GRID2: variants seen among roughly 807,000 people sequenced by gnomAD.
GRID2 encodes glutamate ionotropic receptor delta type subunit 2.
GRID2 carries 33 observed loss-of-function variants against 114.8 expected under a neutral mutation model. The ratio of observed to expected loss-of-function variants is 0.29; its 90% CI spans 0.22 to 0.38. The LOEUF (loss-of-function observed/expected upper bound fraction) is 0.38. Ranked by LOEUF, GRID2 falls within the 10% of genes least tolerant of loss-of-function variation. GRID2 has a pLI of 1.00. For missense variants in GRID2, 1,184 were observed against 1,257.7 expected (o/e 0.94, Z 0.89); for synonymous variants, 505 against 449.9 (o/e 1.12, Z -1.55).
chr4:93,146,902 G>A (rs1736318414), intron 4 of GRID2, among the ~76,000 whole-genome samples: 2 of 151,950 alleles, frequency 1.3e-5, no homozygotes, highest in South Asian at 4.1e-4. Context: ...TTCTAATCTG[G>A]GTATTGGGAA....
At chr4:92,703,645 A>ATATATATATAT (rs1734794212) in intron 2 of GRID2, among the ~76,000 whole-genome samples, 1 of 146,388 alleles carries the variant, frequency 6.8e-6, no homozygotes, top group African/African-American at 2.5e-5. Context: ...ATATATATAT[A>ATATATATATAT]AAATCATGAG....
At chr4:93,800,601 T>A (rs189319863) in intron 1 of GRID2, among the ~76,000 whole-genome samples, 1 of 152,336 alleles carries the variant, frequency 6.6e-6, no homozygotes, top group Non-Finnish European at 1.5e-5. Flanking sequence ...GTATCATGAA[T>A]CCTTAACTTT....
chr4:93,636,922 G>C (rs1462469696), intron 14 of GRID2, among the ~76,000 whole-genome samples: 1 of 152,052 alleles, frequency 6.6e-6, no homozygotes, highest in African/African-American at 2.4e-5. Context: ...CCCATCCCCT[G>C]CCCTGTTCTG....
rs531078462 is a variant in GRID2 at position 93,321,908 on chromosome 4, G to C, written c.1246-73699G>C. Reference sequence around the variant, plus strand: ...TTGTTACTTATAATTTCTATTCAGTGATTTATTTTAATTTTTACTTAAATA... The same window carrying C: ...TTGTTACTTATAATTTCTATTCAGTCATTTATTTTAATTTTTACTTAAATA... On this transcript the variant is annotated intron_variant, in intron 8 of 15. Coordinates refer to ENST00000282020, the MANE Select transcript of GRID2 (RefSeq NM_001510.4). 8.4e-4 allele frequency among the ~76,000 whole-genome samples: 127 copies of C among 151,508 alleles called. 1 individual carries two copies. Among genetic ancestry groups the C allele is most frequent in the Non-Finnish European group, 1.5e-3 (99 of 67,850 alleles).
At chr4:93,101,970 T>C (rs1406710017) in intron 3 of GRID2, among the ~76,000 whole-genome samples, 1 of 152,178 alleles carries the variant, frequency 6.6e-6, no homozygotes, top group East Asian at 1.9e-4. Context: ...AAATGTTAAT[T>C]TCTTCCACTA....
intron 14 of GRID2, among the ~76,000 whole-genome samples, chr4:93,751,200 C>G (rs1732291269): frequency 6.6e-6 from 1 of 152,166 alleles, no homozygotes; most frequent in African/African-American, 2.4e-5. Flanking sequence ...TGTCTGTTAA[C>G]AACCTTGTTT....
At chr4:92,436,399 T>G (rs1732735771) in intron 1 of GRID2, among the ~76,000 whole-genome samples, 1 of 152,192 alleles carries the variant, frequency 6.6e-6, no homozygotes, top group South Asian at 2.1e-4. Flanking sequence ...TTTTCAATAT[T>G]AAATTATAAT....
intron 1 of GRID2, among the ~76,000 whole-genome samples, chr4:92,500,734 G>T (rs1723641201): frequency 6.6e-6 from 1 of 152,058 alleles, no homozygotes; most frequent in South Asian, 2.1e-4. Context: ...AATCCTGCCT[G>T]ATACCTGATT....
intron 1 of GRID2, among the ~76,000 whole-genome samples, chr4:92,493,746 A>G (rs769032849): frequency 1.8e-4 from 27 of 152,288 alleles, no homozygotes; most frequent in Admixed American, 2.0e-4. Context: ...TTTTCTAGCT[A>G]TCTAATTTGT....
chr4:93,092,781 C>G (rs1730894619), intron 3 of GRID2, among the ~76,000 whole-genome samples: 2 of 151,876 alleles, frequency 1.3e-5, no homozygotes, highest in Admixed American at 6.6e-5. Context: ...AAGTGGCATA[C>G]CAAACCACTA....
chr4:93,430,984 A>C (rs1769355678), intron 10 of GRID2, among the ~76,000 whole-genome samples: 1 of 152,206 alleles, frequency 6.6e-6, no homozygotes, highest in East Asian at 1.9e-4. Context: ...CCAAGCAAAA[A>C]GTGATGAGAA....
intron 13 of GRID2, among the ~76,000 whole-genome samples, chr4:93,535,790 G>T (rs1732002822): frequency 6.6e-6 from 1 of 151,666 alleles, no homozygotes; most frequent in African/African-American, 2.4e-5. Flanking sequence ...ATATATTTTG[G>T]ATATTAACCC....
intron 12 of GRID2, among the ~76,000 whole-genome samples, chr4:93,491,157 G>A (rs1324675928): frequency 6.6e-6 from 1 of 151,880 alleles, no homozygotes; most frequent in Non-Finnish European, 1.5e-5. Flanking sequence ...ATTATGTACT[G>A]TCAGAATAAA....
chr4:93,291,494 A>T (rs1047444042), intron 8 of GRID2, among the ~76,000 whole-genome samples: 2 of 152,134 alleles, frequency 1.3e-5, no homozygotes, highest in African/African-American at 4.8e-5. Flanking sequence ...ATATTAATCC[A>T]ATTACAATTT....
intron 13 of GRID2, among the ~76,000 whole-genome samples, chr4:93,606,216 G>A (rs966339432): frequency 6.6e-6 from 1 of 152,072 alleles, no homozygotes. Flanking sequence ...GCAGTGAGCT[G>A]AGATCACGCC....
intron 14 of GRID2, among the ~76,000 whole-genome samples, chr4:93,650,915 A>AG (rs1183971294): frequency 1.5e-5 from 1 of 68,544 alleles, no homozygotes; most frequent in African/African-American, 1.0e-4. Flanking sequence ...ACTGCAAAAA[A>AG]AAATTCATTC....
At chr4:93,214,689 G>T (rs908774608) in intron 5 of GRID2, among the ~76,000 whole-genome samples, 1 of 152,008 alleles carries the variant, frequency 6.6e-6, no homozygotes, top group East Asian at 1.9e-4. Flanking sequence ...TTAGGTGCCT[G>T]AGAACTTCAT....
At position 93,244,464 on chromosome 4, in the gene GRID2, C is replaced by T. The variant is rs564748253; in HGVS notation, c.1245+5974C>T. 1.1e-4 allele frequency among the ~76,000 whole-genome samples: 16 copies of T among 147,092 alleles called. No individual in the cohort carries two copies. In the South Asian group the frequency reaches 2.2e-3, roughly 20 times the overall value. ...CTTGGGCAAACCTAATGTACTGCTT[C>T]GCAAAGGATATTATATTATATAATC... On this transcript the variant is annotated intron_variant, in intron 8 of 15. Coordinates refer to ENST00000282020, the MANE Select transcript of GRID2 (RefSeq NM_001510.4).
At chr4:92,819,136 C>T (rs1560611936) in intron 2 of GRID2, among the ~76,000 whole-genome samples, 2 of 151,958 alleles carry the variant, frequency 1.3e-5, no homozygotes, top group East Asian at 1.9e-4. Flanking sequence ...GCAAATGTTA[C>T]GGCAATAGGA....
Sources: gnomAD v4.1 joint callset for allele counts (sites outside exome capture counted in the v4.1 genomes callset) on GRCh38, gnomAD v4.1.1 for gene constraint, MANE v1.5 for transcripts, NCBI Gene and HGNC (gene_info 2026-07-23, HGNC 2026-07-21) for gene names.